Variants in RNF141 observed in about 807,000 individuals in gnomAD.
The protein encoded by RNF141 is C3HC4-like zinc finger protein.
Under a neutral mutation model 27.4 loss-of-function variants are expected in RNF141, and 18 were observed. The observed-to-expected ratio is 0.66, with a 90% CI of 0.45 to 0.97. The LOEUF (loss-of-function observed/expected upper bound fraction) is 0.97, where lower values mean the gene tolerates loss of function less well. Ranked by LOEUF, RNF141 falls within the 50% of genes least tolerant of loss-of-function variation. The probability of loss-of-function intolerance (pLI) is 0.00; values close to 1 mark genes in which losing one functional copy is unlikely to be tolerated. For missense variants in RNF141, 230 were observed against 279.4 expected, an observed-to-expected ratio of 0.82 and a Z score of 1.26; for synonymous variants, 97 against 96.6, an observed-to-expected ratio of 1.00 and a Z score of -0.02.
chr11:10,532,127 T>A (rs1181752803), intron 2 of RNF141: 4 of 293,354 alleles, frequency 1.4e-5, no homozygotes, highest in Non-Finnish European at 2.0e-5. Flanking sequence ...GGGCAAAACT[T>A]CATACAATAG....
rs764929213 is a variant in RNF141 at position 10,534,017 on chromosome 11, C to T, written c.142G>A (p.Val48Ile). ...FLGRVAELND[V>I]TAKVASGQEK... is the part of the protein sequence containing the mutation. ...AAAAACAAAAAGAGCAAGCCTTACA[C>T]ATCATTAAGCTCAGCTACTCTCCCA... The change falls in exon 2 of 6, where the codon GTA (valine) becomes ATA (isoleucine). Residue 48 changes from valine to isoleucine, a missense_variant and splice_region_variant. Physicochemically the swap from Val to Ile is conservative, Grantham distance 29. Coordinates refer to ENST00000265981, the MANE Select transcript of RNF141 (RefSeq NM_016422.4). 6.2e-7 allele frequency: 1 copy of T among 1,612,516 alleles called. No homozygotes were observed.
At chr11:10,519,892 T>G (rs1406284236) in intron 4 of RNF141, among the ~76,000 whole-genome samples, 1 of 152,150 alleles carries the variant, frequency 6.6e-6, no homozygotes, top group East Asian at 1.9e-4. Flanking sequence ...TGTACAATCT[T>G]TTGGCTTCCC....
At chr11:10,529,840 G>T (rs1355244458) in intron 3 of RNF141, among the ~76,000 whole-genome samples, 2 of 152,072 alleles carry the variant, frequency 1.3e-5, no homozygotes, top group East Asian at 3.9e-4. Flanking sequence ...GAATAAACTG[G>T]AAGCAAAACA....
intron 4 of RNF141, among the ~76,000 whole-genome samples, chr11:10,521,987 T>C (rs1247264371): frequency 6.6e-6 from 1 of 152,156 alleles, no homozygotes; most frequent in Non-Finnish European, 1.5e-5. Context: ...TTCAGGAAGA[T>C]AAATTGGGAG....
chr11:10,529,897 T>C (rs1387302821), intron 3 of RNF141, among the ~76,000 whole-genome samples: 1 of 152,182 alleles, frequency 6.6e-6, no homozygotes, highest in Non-Finnish European at 1.5e-5. Context: ...AGGCATATTA[T>C]TTGGGTAACC....
intron 5 of RNF141, chr11:10,518,557 A>C (rs189774798): frequency 1.3e-5 from 2 of 152,860 alleles, no homozygotes; most frequent in Non-Finnish European, 2.9e-5. Flanking sequence ...ATATGCCAAA[A>C]CATATTAAAC....
At chr11:10,533,149 A>T (rs770077979) in intron 2 of RNF141, among the ~76,000 whole-genome samples, 2 of 152,224 alleles carry the variant, frequency 1.3e-5, no homozygotes, top group Non-Finnish European at 2.9e-5. Context: ...GGATGTTGCT[A>T]GAGGCAGATT....
In RNF141 at chr11:10,532,043, A is replaced by T. The variant is rs1390078257; in HGVS notation, c.144-1292T>A. ...AAATAAATAAAAGGAAGACCTCTGT[A>T]TCACACAGTAAGCTTAGTTTGTGGA... On this transcript the variant is annotated intron_variant, in intron 2 of 5. Coordinates refer to ENST00000265981, the MANE Select transcript of RNF141 (RefSeq NM_016422.4). 4 of 449,314 alleles carry T rather than the reference A, an allele frequency of 8.9e-6. No homozygotes were observed. The Admixed American group carries it at 9.8e-5, about 11-fold the overall frequency. 27.8% of individuals were successfully genotyped at this position (449,314 alleles called of 1,614,324 possible).
intron 1 of RNF141, among the ~76,000 whole-genome samples, chr11:10,536,746 G>A (rs56886232): frequency 9.2e-5 from 14 of 152,204 alleles, no homozygotes; most frequent in Non-Finnish European, 1.5e-4. Flanking sequence ...ACAGGCATGA[G>A]CTGCCGCACC....
At position 10,514,644 on chromosome 11, in the gene RNF141, A is replaced by C. The variant is rs370640929; in HGVS notation, c.*272T>G. On this transcript the variant is annotated 3_prime_UTR_variant, in exon 6 of 6. Coordinates refer to ENST00000265981, the MANE Select transcript of RNF141 (RefSeq NM_016422.4). The stretch of plus-strand genomic sequence containing the variant: ...TGGAAGTGTTGCTGTTACCTTTAGC[A>C]AAGAATTCAAGAGCTATTAGTTGTA... The C allele has an allele frequency of 1.8e-5, 5 of 280,002 alleles. No homozygotes were observed. The South Asian group carries it at 6.6e-4, about 37-fold the overall frequency. The allele number at this position is 280,002 out of a possible 1,614,324, so 17.3% of individuals were successfully genotyped here.
At chr11:10,531,836 CAA>C (rs1849988833) in intron 2 of RNF141, 1 of 246,778 alleles carries the variant, frequency 4.1e-6, no homozygotes, top group East Asian at 1.4e-4. Flanking sequence ...CCTTAGGAAA[CAA>C]AGTCTTCGGT....
At chr11:10,532,140 A>G in intron 2 of RNF141, 1 of 259,736 alleles carries the variant, frequency 3.9e-6, no homozygotes, top group Non-Finnish European at 7.7e-6. Context: ...TACAATAGAC[A>G]GGGTTTATGA....
chr11:10,522,195 G>A (rs1287976731), intron 4 of RNF141, among the ~76,000 whole-genome samples: 2 of 152,230 alleles, frequency 1.3e-5, no homozygotes, highest in Non-Finnish European at 2.9e-5. Context: ...TAAAAACCTA[G>A]ATGGATATGG....
rs1158526589 is a variant in RNF141 at position 10,514,738 on chromosome 11, C to T, written c.*178G>A. The T allele has an allele frequency of 1.9e-5, 10 of 540,426 alleles. No homozygotes were observed. Among genetic ancestry groups the T allele is most frequent in the Non-Finnish European group, 2.7e-5 (9 of 330,810 alleles). 33.5% of individuals were successfully genotyped at this position (540,426 alleles called of 1,614,324 possible). A position where few individuals can be genotyped will look rare whatever the true frequency, so the allele number is the denominator to read the frequency against. ...AAAACAGTAGCAAATTTTAGTACCA[C>T]AAATGGAAGACATGGGAAGTTTATT... On this transcript the variant is annotated 3_prime_UTR_variant, in exon 6 of 6. Transcript: ENST00000265981.
chr11:10,535,463 C>CA (rs34271797), intron 1 of RNF141, among the ~76,000 whole-genome samples: 145 of 123,902 alleles, frequency 1.2e-3, no homozygotes, highest in East Asian at 4.4e-3. Context: ...AGATCCAGGC[C>CA]AAAAAAAAAA....
intron 1 of RNF141, among the ~76,000 whole-genome samples, chr11:10,538,308 G>A (rs1850055802): frequency 6.6e-6 from 1 of 152,208 alleles, no homozygotes; most frequent in South Asian, 2.1e-4. Flanking sequence ...GTTCCAGAAA[G>A]AGGGCTTGAC....
At chr11:10,536,583 A>T (rs1850039053) in intron 1 of RNF141, among the ~76,000 whole-genome samples, 1 of 152,232 alleles carries the variant, frequency 6.6e-6, no homozygotes, top group African/African-American at 2.4e-5. Flanking sequence ...AGATGTGCTC[A>T]AAAGCAGTTA....
chr11:10,532,557 TTTTTGTTTTATATTG>T (rs1849998368), intron 2 of RNF141, among the ~76,000 whole-genome samples: 1 of 151,310 alleles, frequency 6.6e-6, no homozygotes, highest in Non-Finnish European at 1.5e-5. Context: ...TATATACAGC[TTTTTGTTTTATATTG>T]TTTTGTTTTA....
At chr11:10,536,139 G>C (rs1302909369) in intron 1 of RNF141, among the ~76,000 whole-genome samples, 1 of 152,238 alleles carries the variant, frequency 6.6e-6, no homozygotes, top group East Asian at 1.9e-4. Flanking sequence ...ATAAAAGGGG[G>C]ACTTGACCTA....
Sources: gnomAD v4.1 joint callset for allele counts (sites outside exome capture counted in the v4.1 genomes callset) on GRCh38, gnomAD v4.1.1 for gene constraint, MANE v1.5 for transcripts, NCBI Gene and HGNC (gene_info 2026-07-23, HGNC 2026-07-21) for gene names.